Variants in CACNB2 observed in about 807,000 individuals in gnomAD.
The protein encoded by CACNB2 is voltage-dependent L-type calcium channel subunit beta-2.
In CACNB2, 42 loss-of-function variants were observed where a neutral mutation model predicts 73.3. The observed-to-expected ratio is 0.57, with a 90% CI of 0.45 to 0.74. CACNB2 has a LOEUF of 0.74. Among genes scored for constraint, CACNB2 ranks in the 30% least tolerant of loss-of-function variants. The pLI is 0.00. For synonymous variants in CACNB2, 348 were observed against 310.3 expected (o/e 1.12, Z -1.28); for missense variants, 940 against 853.0 (o/e 1.10, Z -1.27).
At chr10:18,502,042 C>T (rs1272905078) in intron 5 of CACNB2, among the ~76,000 whole-genome samples, 1 of 152,214 alleles carries the variant, frequency 6.6e-6, no homozygotes, top group Non-Finnish European at 1.5e-5. Context: ...GGCATGGTGG[C>T]TCATGCCTGT....
intron 3 of CACNB2, among the ~76,000 whole-genome samples, chr10:18,497,299 C>A (rs966271867): frequency 6.6e-6 from 1 of 151,742 alleles, no homozygotes; most frequent in Non-Finnish European, 1.5e-5. Flanking sequence ...AAATACAATA[C>A]CACTTAGAAC....
At position 18,410,958 on chromosome 10, in the gene CACNB2, C is replaced by T. The variant is rs200719945; in HGVS notation, c.333+8915C>T. On this transcript the variant is annotated intron_variant, in intron 3 of 13. Coordinates refer to ENST00000324631, the MANE Select transcript of CACNB2 (RefSeq NM_201596.3). ...TCACGCCACTGCACTCCAGCCTGGG[C>T]GACAGAGCAAGACTCCATTTAAAAA... Among the ~76,000 whole-genome samples, 66 of 152,034 alleles carry T rather than the reference C, an allele frequency of 4.3e-4. 1 individual carries two copies. Among genetic ancestry groups the T allele is most frequent in the African/African-American group, 1.3e-3 (53 of 41,450 alleles).
At chr10:18,377,971 T>G (rs781260987) in intron 2 of CACNB2, among the ~76,000 whole-genome samples, 1 of 152,178 alleles carries the variant, frequency 6.6e-6, no homozygotes, top group Non-Finnish European at 1.5e-5. Context: ...TTGAACTCTT[T>G]CTTTTGGCTG....
rs1317011893 is a variant in CACNB2 at position 18,392,026 on chromosome 10, A to G, written c.214-9898A>G. 3.3e-5 allele frequency among the ~76,000 whole-genome samples: 5 copies of G among 152,244 alleles called. No homozygotes were observed. In the East Asian group the frequency reaches 7.7e-4, roughly 23 times the overall value. On this transcript the variant is annotated intron_variant, in intron 2 of 13. Transcript: ENST00000324631. ...ACCGCTGCAATCAATGGGGGTTACA[A>G]TTTGAAATAGGATGGTTGCAGAAGA...
In CACNB2 at chr10:18,498,477, AG is replaced by A; in HGVS notation, c.456+1del. 6.2e-7 allele frequency: 1 copy of A among 1,613,992 alleles called. No homozygotes were observed. Among genetic ancestry groups the A allele is most frequent in the Non-Finnish European group, 8.5e-7 (1 of 1,179,906 alleles). ...CAAAAGATTTTCTGCATGTTAAGGA[AG>A]TAAGGAGAATAATTTCATTTTCTAA... On this transcript the variant is annotated splice_donor_variant, in intron 4 of 13. Transcript: ENST00000324631. LOFTEE classifies it high-confidence loss of function.
At position 18,539,485 on chromosome 10, in the gene CACNB2, T is replaced by C; in HGVS notation, c.1744T>C (p.Tyr582His). The C allele has an allele frequency of 3.7e-6, 6 of 1,613,788 alleles. No homozygotes were observed. The highest frequency in any genetic ancestry group is 2.2e-5 in the South Asian group (2 of 91,022). Residue 582 changes from tyrosine (Y) to histidine (H), a missense_variant, in exon 14 of 14, where the codon TAT (tyrosine) becomes CAT (histidine). Coordinates refer to ENST00000324631, the MANE Select transcript of CACNB2 (RefSeq NM_201596.3). ...TTATTCCCATGACCACGTGGACCAC[T>C]ATGCCTCACACCGTGACCACAACCA... ...EDYSHDHVDH[Y>H]ASHRDHNHRD...
At chr10:18,407,235 C>T (rs1255042499) in intron 3 of CACNB2, among the ~76,000 whole-genome samples, 1 of 149,020 alleles carries the variant, frequency 6.7e-6, no homozygotes, top group Non-Finnish European at 1.5e-5. Context: ...GATTCTCACA[C>T]CTCAGCCTTC....
intron 2 of CACNB2, among the ~76,000 whole-genome samples, chr10:18,312,541 A>G (rs1363536013): frequency 6.6e-6 from 1 of 152,174 alleles, no homozygotes; most frequent in Non-Finnish European, 1.5e-5. Context: ...GGAGATACAC[A>G]GAGCTCTGTT....
rs115982215 is a variant in CACNB2 at position 18,362,958 on chromosome 10, T to G, written c.214-38966T>G. ...GGAAAAGGAAATGCAAGTAGAATGT[T>G]AGACCAGGTCTTCATTAAGTGACTT... On this transcript the variant is annotated intron_variant, in intron 2 of 13. Transcript: ENST00000324631. 2.9e-3 allele frequency among the ~76,000 whole-genome samples: 438 copies of G among 152,234 alleles called. 3 individuals carry two copies. Among genetic ancestry groups the G allele is most frequent in the African/African-American group, 9.8e-3 (407 of 41,568 alleles).
rs368719191 is a variant in CACNB2, at chr10:18,498,448, G to A, written c.427G>A (p.Glu143Lys). 2.5e-5 allele frequency: 40 copies of A among 1,613,932 alleles called. No individual in the cohort carries two copies. The highest frequency in any genetic ancestry group is 3.3e-5 in the South Asian group (3 of 91,086). ...AGTGCCTGGCATGGCCATCTCATTC[G>A]AAGCAAAAGATTTTCTGCATGTTAA... is the stretch of plus-strand genomic sequence containing the variant. Reference protein sequence around the residue: ...VPVPGMAISFEAKDFLHVKEK... With the variant: ...VPVPGMAISFKAKDFLHVKEK... Residue 143 changes from glutamate to lysine, a missense_variant, in exon 4 of 14, where the codon GAA (glutamate) becomes AAA (lysine). Physicochemically the swap from Glu to Lys is moderately conservative, Grantham distance 56 (BLOSUM62 1). Coordinates refer to ENST00000324631, the MANE Select transcript of CACNB2 (RefSeq NM_201596.3).
rs372771068 is a variant in CACNB2 at position 18,355,236 on chromosome 10, C to T, written c.214-46688C>T. On this transcript the variant is annotated intron_variant, in intron 2 of 13. Transcript: ENST00000324631. ...GTGTTTCAGGGTGCTTAACATAGTA[C>T]TTCTATCATTTCTTGTTATTTGAGC... is the stretch of plus-strand genomic sequence containing the variant. Among the ~76,000 whole-genome samples, 27 of 152,276 alleles carry T rather than the reference C, an allele frequency of 1.8e-4. No individual in the cohort carries two copies. In the East Asian group the frequency reaches 4.2e-3, roughly 24 times the overall value.
At chr10:18,240,495 T>C (rs1440725699) in intron 2 of CACNB2, among the ~76,000 whole-genome samples, 1 of 152,210 alleles carries the variant, frequency 6.6e-6, no homozygotes, top group Non-Finnish European at 1.5e-5. Flanking sequence ...CGCTCACTAT[T>C]AATCTTTTAG....
intron 2 of CACNB2, among the ~76,000 whole-genome samples, chr10:18,305,753 C>G (rs1453364124): frequency 2.0e-5 from 3 of 152,058 alleles, no homozygotes; most frequent in African/African-American, 7.2e-5. Flanking sequence ...ATCTGGAAGC[C>G]AGGTTATGCT....
intron 2 of CACNB2, among the ~76,000 whole-genome samples, chr10:18,337,909 C>G (rs1027594537): frequency 3.5e-4 from 53 of 152,078 alleles, no homozygotes; most frequent in Non-Finnish European, 2.9e-5. Context: ...TTATCTTATA[C>G]CATGAACAAA....
intron 2 of CACNB2, among the ~76,000 whole-genome samples, chr10:18,299,691 A>T (rs2039429724): frequency 6.6e-6 from 1 of 152,192 alleles, no homozygotes; most frequent in Admixed American, 6.5e-5. Flanking sequence ...AGACTGGGTG[A>T]CAGAGTCAGA....
At chr10:18,320,461 G>A (rs1341564919) in intron 2 of CACNB2, among the ~76,000 whole-genome samples, 3 of 152,106 alleles carry the variant, frequency 2.0e-5, no homozygotes, top group Non-Finnish European at 4.4e-5. Flanking sequence ...TGAAAAACTA[G>A]TGCTTAAAAC....
chr10:18,385,643 CAA>C (rs370371966), intron 2 of CACNB2, among the ~76,000 whole-genome samples: 8 of 102,204 alleles, frequency 7.8e-5, no homozygotes, highest in Admixed American at 1.1e-4. Flanking sequence ...AACTCCATCT[CAA>C]AAAAAAAAAA....
At chr10:18,347,599 C>T (rs541396569) in intron 2 of CACNB2, among the ~76,000 whole-genome samples, 9 of 151,502 alleles carry the variant, frequency 5.9e-5, no homozygotes, top group Non-Finnish European at 1.2e-4. Context: ...TAATTTTTAT[C>T]TCTCTACTGC....
chr10:18,325,940 C>A (rs1329644059), intron 2 of CACNB2, among the ~76,000 whole-genome samples: 1 of 151,674 alleles, frequency 6.6e-6, no homozygotes, highest in East Asian at 2.0e-4. Flanking sequence ...AGATGTAATT[C>A]CTCCATATTG....
Sources: gnomAD v4.1 joint callset for allele counts (sites outside exome capture counted in the v4.1 genomes callset) on GRCh38, gnomAD v4.1.1 for gene constraint, MANE v1.5 for transcripts, NCBI Gene and HGNC (gene_info 2026-07-23, HGNC 2026-07-21) for gene names.